LOC122539214: variants seen among roughly 807,000 people sequenced by gnomAD.
the LOC122539214 span, among the ~76,000 whole-genome samples, chr19:52,685,414 T>G: frequency 6.6e-6 from 1 of 152,138 alleles, no homozygotes; most frequent in Non-Finnish European, 1.5e-5. Context: ...ATCTTTCAAA[T>G]ACCTGGGCTA....
the LOC122539214 span, among the ~76,000 whole-genome samples, chr19:52,665,440 A>T: frequency 6.6e-6 from 1 of 152,088 alleles, no homozygotes; most frequent in South Asian, 2.1e-4. Context: ...AAAAGCACTG[A>T]CCTTGTAACA....
chr19:52,663,000 G>A, the LOC122539214 span, among the ~76,000 whole-genome samples: 1 of 151,894 alleles, frequency 6.6e-6, no homozygotes, highest in South Asian at 2.1e-4. Flanking sequence ...CCGTCTCTAT[G>A]AAAAGTACAA....
chr19:52,683,264 GTGTGTGTGTGTGTGTGTA>G, the LOC122539214 span, among the ~76,000 whole-genome samples: 1,742 of 89,340 alleles, frequency 0.019, 18 homozygotes, highest in Non-Finnish European at 0.027. Flanking sequence ...GTGTGTGTGT[GTGTGTGTGTGTGTGTGTA>G]TGCTCACGTG....
the LOC122539214 span, chr19:52,651,708 GAAAGA>G: frequency 6.6e-6 from 1 of 151,096 alleles, no homozygotes; most frequent in East Asian, 1.9e-4. Flanking sequence ...AAAAAAGAAA[GAAAGA>G]AAAGAAAAGA....
chr19:52,655,858 C>G, the LOC122539214 span, among the ~76,000 whole-genome samples: 2 of 152,130 alleles, frequency 1.3e-5, no homozygotes, highest in African/African-American at 4.8e-5. Context: ...ATTGTACTTT[C>G]CCATGATAGA....
the LOC122539214 span, among the ~76,000 whole-genome samples, chr19:52,657,014 G>A: frequency 6.6e-6 from 1 of 152,142 alleles, no homozygotes; most frequent in East Asian, 1.9e-4. Context: ...TACTCACGAG[G>A]CTGAGGTGGG....
At chr19:52,683,917 AAC>A in the LOC122539214 span, among the ~76,000 whole-genome samples, 2 of 152,126 alleles carry the variant, frequency 1.3e-5, no homozygotes, top group African/African-American at 4.8e-5. Context: ...AGGGAGACAC[AAC>A]ACACAAAGTA....
the LOC122539214 span, among the ~76,000 whole-genome samples, chr19:52,678,458 A>AG: frequency 3.3e-5 from 5 of 151,456 alleles, no homozygotes; most frequent in Admixed American, 3.3e-4. Flanking sequence ...TCAAAAAAAA[A>AG]AAAAAAGAAA....
At chr19:52,653,597 G>T in the LOC122539214 span, among the ~76,000 whole-genome samples, 1 of 152,070 alleles carries the variant, frequency 6.6e-6, no homozygotes, top group African/African-American at 2.4e-5. Flanking sequence ...CGTCTACGAT[G>T]CCCTACAAGG....
At chr19:52,689,401 T>C in the LOC122539214 span, among the ~76,000 whole-genome samples, 1 of 147,682 alleles carries the variant, frequency 6.8e-6, no homozygotes, top group South Asian at 2.1e-4. Flanking sequence ...TCATCCCCAC[T>C]CTCTAGCACT....
chr19:52,673,302 C>T, the LOC122539214 span, among the ~76,000 whole-genome samples: 8 of 152,112 alleles, frequency 5.3e-5, no homozygotes, highest in African/African-American at 9.7e-5. Context: ...GTCAAGAGTT[C>T]GAGACCAGCC....
the LOC122539214 span, among the ~76,000 whole-genome samples, chr19:52,684,991 G>T: frequency 6.6e-6 from 1 of 152,184 alleles, no homozygotes; most frequent in Non-Finnish European, 1.5e-5. Context: ...ATTTGGCTGT[G>T]ATGTCCTCAT....
At chr19:52,654,364 C>T in the LOC122539214 span, 722 of 1,264,322 alleles carry the variant, frequency 5.7e-4, 11 homozygotes, top group South Asian at 9.7e-3. Context: ...ATTACCGTGC[C>T]CTGTTGATGA....
chr19:52,659,772 G>C, the LOC122539214 span, among the ~76,000 whole-genome samples: 1 of 152,186 alleles, frequency 6.6e-6, no homozygotes, highest in Non-Finnish European at 1.5e-5. Flanking sequence ...ATAAATCTAA[G>C]TAAGAGACCT....
At chr19:52,666,909 G>A in the LOC122539214 span, among the ~76,000 whole-genome samples, 14 of 152,322 alleles carry the variant, frequency 9.2e-5, no homozygotes, top group Admixed American at 5.9e-4. Flanking sequence ...TCTTGCAGAA[G>A]CAGAGTTAGG....
chr19:52,687,455 TA>T, the LOC122539214 span, among the ~76,000 whole-genome samples: 1 of 93,530 alleles, frequency 1.1e-5, no homozygotes, highest in Non-Finnish European at 2.0e-5. Flanking sequence ...TAAATTATAA[TA>T]TAAATTATAA....
the LOC122539214 span, among the ~76,000 whole-genome samples, chr19:52,687,589 TATATATA>T: frequency 0.24 from 13,432 of 56,402 alleles, 4,437 homozygotes; most frequent in African/African-American, 0.49. Context: ...TATATATATA[TATATATA>T]ATGTATATAT....
the LOC122539214 span, among the ~76,000 whole-genome samples, chr19:52,676,069 G>A: frequency 2.0e-5 from 3 of 151,722 alleles, no homozygotes; most frequent in African/African-American, 7.3e-5. Flanking sequence ...CCCGCTCACT[G>A]CAACCTCCCT....
chr19:52,684,679 G>A, the LOC122539214 span, among the ~76,000 whole-genome samples: 2 of 151,746 alleles, frequency 1.3e-5, no homozygotes, highest in African/African-American at 4.8e-5. Flanking sequence ...GAGGGCATGG[G>A]AGACAGCTCT....
Sources: allele counts gnomAD v4.1 joint callset (sites outside exome capture counted in the v4.1 genomes callset), GRCh38; gene constraint gnomAD v4.1.1; transcripts MANE v1.5.